The following NOTCH1 variants were observed in gnomAD, a reference collection of about 807,000 sequenced individuals.
The protein encoded by NOTCH1 is neurogenic locus notch homolog protein 1.
In NOTCH1, 37 loss-of-function variants were observed where a neutral mutation model predicts 254.8. The ratio of observed to expected loss-of-function variants is 0.15; its 90% confidence interval spans 0.11 to 0.19. The LOEUF (loss-of-function observed/expected upper bound fraction) is 0.19. Among genes scored for constraint, NOTCH1 ranks in the 10% least tolerant of loss-of-function variants. The pLI is 1.00. For synonymous variants in NOTCH1, 1,731 were observed against 1,618.1 expected (o/e 1.07, Z -1.68); for missense variants, 2,972 against 3,708.6 (o/e 0.80, Z 5.16).
intron 2 of NOTCH1, among the ~76,000 whole-genome samples, chr9:136,534,632 G>A (rs965305568): frequency 2.6e-5 from 4 of 152,090 alleles, no homozygotes; most frequent in East Asian, 1.9e-4. Context: ...CTACTGTGGC[G>A]GCAGGCGCTG....
In NOTCH1 at chr9:136,494,721, C is replaced by T. The variant is rs1374503001; in HGVS notation, c.*1350G>A. ...CAGTGCATGGGCGGCTAAGGCTCCC[C>T]GAGCTGAGCCAAGTCTGACGTCCCT... On this transcript the variant is annotated 3_prime_UTR_variant, in exon 34 of 34. Coordinates refer to ENST00000651671, the MANE Select transcript of NOTCH1 (RefSeq NM_017617.5). 1.8e-5 allele frequency: 7 copies of T among 398,542 alleles called. No individual in the cohort carries two copies. The highest frequency in any genetic ancestry group is 3.1e-5 in the Non-Finnish European group (7 of 225,996). The allele number at this position is 398,542 out of a possible 1,614,324, so 24.7% of individuals were successfully genotyped here. A position where few individuals can be genotyped will look rare whatever the true frequency, so the allele number is the denominator to read the frequency against.
intron 30 of NOTCH1, 64 bp from the exon 31 acceptor site, chr9:136,500,911 G>A (rs1009253425): frequency 1.0e-4 from 157 of 1,506,766 alleles, no homozygotes; most frequent in Non-Finnish European, 1.4e-4. Flanking sequence ...CCAGGGGGAG[G>A]GGGGCAGCAG....
intron 4 of NOTCH1, among the ~76,000 whole-genome samples, chr9:136,521,977 CTTTTTTTT>C (rs60668167): frequency 7.1e-6 from 1 of 141,060 alleles, no homozygotes; most frequent in African/African-American, 2.6e-5. Context: ...TTTCTCTTCA[CTTTTTTTT>C]TTTTTTTTTT....
At chr9:136,512,545 A>G (rs779367515) in intron 15 of NOTCH1, among the ~76,000 whole-genome samples, 4 of 152,236 alleles carry the variant, frequency 2.6e-5, no homozygotes, top group Non-Finnish European at 4.4e-5. Flanking sequence ...CGCTCACACA[A>G]AGAGAGCCCG....
At chr9:136,511,298 C>T (rs780190787) in intron 15 of NOTCH1, 27 bp from the exon 16 acceptor site, 28 of 1,596,170 alleles carry the variant, frequency 1.8e-5, no homozygotes, top group South Asian at 1.1e-4. Flanking sequence ...CACGTGACCC[C>T]GGGAGCCTCA....
chr9:136,520,732 CAAA>C (rs10711760), intron 4 of NOTCH1, among the ~76,000 whole-genome samples: 10 of 140,624 alleles, frequency 7.1e-5, no homozygotes, highest in Admixed American at 1.4e-4. Flanking sequence ...AGACCTGTCT[CAAA>C]AAAAAAAAAA....
At chr9:136,498,125 C>T (rs565470397) in intron 33 of NOTCH1, among the ~76,000 whole-genome samples, 4 of 151,928 alleles carry the variant, frequency 2.6e-5, no homozygotes, top group South Asian at 2.1e-4. Flanking sequence ...CATGCTGCCA[C>T]GGACTGGGGA....
intron 30 of NOTCH1, among the ~76,000 whole-genome samples, chr9:136,501,383 G>A (rs1021725272): frequency 1.3e-5 from 2 of 150,732 alleles, no homozygotes; most frequent in African/African-American, 4.9e-5. Flanking sequence ...GCAGGGAGCC[G>A]AGATCGTGCC....
chr9:136,545,688 C>T lies in NOTCH1; in HGVS notation c.61+38G>A. On this transcript the variant is annotated intron_variant, in intron 1 of 33. Transcript: ENST00000651671. The surrounding 1 kb of genome is among the most constrained non-coding windows in gnomAD (Gnocchi z 6.8). ...GGGCGCCGCCAAAGTTTCCAAAGGGCGCGGAAAGTGGGGGCTCGCGGGTGG... is the reference window on the plus strand; with the variant it reads ...GGGCGCCGCCAAAGTTTCCAAAGGGTGCGGAAAGTGGGGGCTCGCGGGTGG... The T allele has an allele frequency of 7.0e-7, 1 of 1,423,844 alleles. No individual in the cohort carries two copies. The highest frequency in any genetic ancestry group is 2.7e-5 in the Admixed American group (1 of 36,466). 88.2% of individuals were successfully genotyped at this position (1,423,844 alleles called of 1,614,324 possible).
chr9:136,516,045 G>C lies in NOTCH1; in HGVS notation c.1605C>G (p.Thr535=), dbSNP rs754344702. 1 of 1,612,276 alleles carries C rather than the reference G, an allele frequency of 6.2e-7. No individual in the cohort carries two copies. Among genetic ancestry groups the C allele is most frequent in the Non-Finnish European group, 8.5e-7 (1 of 1,179,932 alleles). Residue 535 remains threonine, a synonymous_variant, in exon 10 of 34, where the codon ACC becomes ACG. Transcript: ENST00000651671. The part of the protein sequence containing the change: ...CQYDVDECAS[T]PCKNGAKCLD... ...GGCACTTGGCACCATTCTTGCAGGGGGTGCTGGCACACTCGTCCACATCGT... is the reference window on the plus strand; with the variant it reads ...GGCACTTGGCACCATTCTTGCAGGGCGTGCTGGCACACTCGTCCACATCGT...
In NOTCH1 at chr9:136,500,642, C is replaced by T. The variant is rs2133325873; in HGVS notation, c.5844G>A (p.Leu1948=). The change falls in exon 31 of 34, where the codon CTG becomes CTA. Residue 1948 remains leucine, a synonymous_variant. Transcript: ENST00000651671. ...YSRSDAAKRL[L]EASADANIQD... ...GGATGTTGGCATCTGCGCTGGCCTC[C>T]AGCAGGCGCTTGGCGGCATCAGAGC... 3 of 1,611,994 alleles carry T rather than the reference C, an allele frequency of 1.9e-6. No individual in the cohort carries two copies. The highest frequency in any genetic ancestry group is 8.5e-7 in the Non-Finnish European group (1 of 1,179,886).
In NOTCH1 at chr9:136,544,025, C is replaced by T. The variant is rs1331779957; in HGVS notation, c.139G>A (p.Val47Ile). Residue 47 changes from valine (V) to isoleucine (I), a missense_variant and splice_region_variant, in exon 2 of 34, where the codon GTC becomes ATC. Around this residue, in one of 8 missense-constraint regions of NOTCH1, gnomAD observed 374 missense variants for 496.3 expected, o/e 0.75. Coordinates refer to ENST00000651671, the MANE Select transcript of NOTCH1 (RefSeq NM_017617.5). ...AGGTCCCGCAGGGGTGGTACTCACA[C>T]GCAGGCCTCCGTGCCATTGGCCGCT... is the stretch of plus-strand genomic sequence containing the variant. ...CEAANGTEAC[V>I]CGGAFVGPRC... 3 of 1,570,598 alleles carry T rather than the reference C, an allele frequency of 1.9e-6. No individual in the cohort carries two copies. Among genetic ancestry groups the T allele is most frequent in the Non-Finnish European group, 2.6e-6 (3 of 1,158,780 alleles).
chr9:136,512,135 TC>T (rs1301858717), intron 15 of NOTCH1, among the ~76,000 whole-genome samples: 2 of 152,132 alleles, frequency 1.3e-5, no homozygotes, highest in Non-Finnish European at 2.9e-5. Flanking sequence ...GCACCGCCGC[TC>T]CTCCTGCCGG....
chr9:136,499,209 G>A lies in NOTCH1; in HGVS notation c.5985C>T (p.Gly1995=), dbSNP rs1394265602. 6.2e-7 allele frequency: 1 copy of A among 1,613,332 alleles called. No homozygotes were observed. Among genetic ancestry groups the A allele is most frequent in the Non-Finnish European group, 8.5e-7 (1 of 1,180,006 alleles). Residue 1995 remains glycine (G), a synonymous_variant, in exon 32 of 34, where the codon GGC becomes GGT. Coordinates refer to ENST00000651671, the MANE Select transcript of NOTCH1 (RefSeq NM_017617.5). ...GGGCAGCCAGGATCAGTGGCGTCGTGCCATCATGCATGCGGGCATCCAGGT... is the reference window on the plus strand; with the variant it reads ...GGGCAGCCAGGATCAGTGGCGTCGTACCATCATGCATGCGGGCATCCAGGT... ...ATDLDARMHD[G]TTPLILAARL...
chr9:136,512,957 C>A (rs1247355293), intron 15 of NOTCH1, 64 bp downstream of exon 15: 2 of 673,578 alleles, frequency 3.0e-6, no homozygotes, highest in Non-Finnish European at 4.9e-6. Context: ...CCCTCTCCAG[C>A]ACAGGTCCCG....
intron 17 of NOTCH1, 39 bp downstream of exon 17, chr9:136,510,614 G>A (rs1219573719): frequency 1.9e-6 from 3 of 1,589,226 alleles, no homozygotes; most frequent in Admixed American, 1.7e-5. Context: ...TGAGGCCTGA[G>A]AGCTTCCTGG....
chr9:136,505,904 C>T (rs538861803), intron 24 of NOTCH1, 23 bp from the exon 25 acceptor site: 44 of 1,567,518 alleles, frequency 2.8e-5, no homozygotes, highest in South Asian at 2.6e-4. Context: ...GAAGACAGGA[C>T]GGTGTCGGGG....
chr9:136,506,868 C>G lies in NOTCH1; in HGVS notation c.3749G>C (p.Gly1250Ala), dbSNP rs2133343861. The change falls in exon 23 of 34, where the codon GGC (glycine) becomes GCC (alanine). Residue 1250 changes from glycine (G) to alanine (A), a missense_variant. Transcript: ENST00000651671. This position sits in a 1 kb window ranked among gnomAD's most constrained non-coding sequence, Gnocchi z 4.5. ...GCCCGGCGGGCAGGTGCAGCTGTAG[C>G]CGCCCACCTGGTCCACGCAGGTGCC... ...NNGTCVDQVG[G>A]YSCTCPPGFV... 1 of 1,611,488 alleles carries G rather than the reference C, an allele frequency of 6.2e-7. No individual in the cohort carries two copies. The highest frequency in any genetic ancestry group is 2.2e-5 in the East Asian group (1 of 44,788).
Position 136,494,729 on chromosome 9 carries a change from G to A in NOTCH1, c.*1342C>T. ...GGGCGGCTAAGGCTCCCCGAGCTGA[G>A]CCAAGTCTGACGTCCCTCACTGGCA... On this transcript the variant is annotated 3_prime_UTR_variant, in exon 34 of 34. Coordinates refer to ENST00000651671, the MANE Select transcript of NOTCH1 (RefSeq NM_017617.5). 2.5e-6 allele frequency: 1 copy of A among 398,706 alleles called. No individual in the cohort carries two copies. Among genetic ancestry groups the A allele is most frequent in the Non-Finnish European group, 4.4e-6 (1 of 226,012 alleles). The allele number at this position is 398,706 out of a possible 1,614,324, so 24.7% of individuals were successfully genotyped here.
Sources: gnomAD v4.1 joint callset for allele counts (sites outside exome capture counted in the v4.1 genomes callset) on GRCh38, gnomAD v4.1.1 for gene constraint, gnomAD v4.1.1 regional missense constraint, Gnocchi (gnomAD v3.1) non-coding constraint, MANE v1.5 for transcripts, NCBI Gene and HGNC (gene_info 2026-07-23, HGNC 2026-07-21) for gene names.